Variants in SPOCK3 observed in about 807,000 individuals in gnomAD.
SPOCK3 encodes the protein SPARC (osteonectin), cwcv and kazal like domains proteoglycan 3.
SPOCK3 carries 30 observed loss-of-function variants against 56.6 expected under a neutral mutation model. The observed-to-expected ratio is 0.53, with a 90% CI of 0.40 to 0.72. SPOCK3 has a LOEUF of 0.72. Among genes scored for constraint, SPOCK3 ranks in the 30% least tolerant of loss-of-function variants. The pLI is 0.00. For synonymous variants in SPOCK3, 196 were observed against 183.3 expected, an observed-to-expected ratio of 1.07 and a Z score of -0.56; for missense variants, 527 against 530.0, an observed-to-expected ratio of 0.99 and a Z score of 0.06.
intron 4 of SPOCK3, among the ~76,000 whole-genome samples, chr4:166,952,965 T>C (rs1175584238): frequency 6.6e-6 from 1 of 150,816 alleles, no homozygotes; most frequent in Non-Finnish European, 1.5e-5. Flanking sequence ...ACGTTAGACC[T>C]AAAACCATAA....
intron 4 of SPOCK3, among the ~76,000 whole-genome samples, chr4:166,928,746 G>A (rs1194983232): frequency 2.0e-5 from 3 of 152,104 alleles, no homozygotes; most frequent in Non-Finnish European, 1.5e-5. Context: ...CTAGGCGGGC[G>A]GATCGTGAGG....
chr4:166,741,656 C>T (rs1428264251), intron 9 of SPOCK3, among the ~76,000 whole-genome samples: 1 of 152,138 alleles, frequency 6.6e-6, no homozygotes, highest in Non-Finnish European at 1.5e-5. Context: ...TTAAATAGCA[C>T]ATATACATAT....
chr4:166,927,689 G>A (rs904123796), intron 4 of SPOCK3, among the ~76,000 whole-genome samples: 8 of 152,028 alleles, frequency 5.3e-5, no homozygotes, highest in Non-Finnish European at 8.8e-5. Flanking sequence ...TAGATACAAC[G>A]CAAGAGGTAT....
At chr4:166,871,329 TAA>T (rs1732444879) in intron 6 of SPOCK3, among the ~76,000 whole-genome samples, 1 of 151,622 alleles carries the variant, frequency 6.6e-6, no homozygotes, top group Non-Finnish European at 1.5e-5. Context: ...AACCAAGAAA[TAA>T]AAAGAGGGCA....
intron 6 of SPOCK3, among the ~76,000 whole-genome samples, chr4:166,822,239 T>G (rs957299109): frequency 1.1e-4 from 16 of 152,034 alleles, no homozygotes; most frequent in Non-Finnish European, 2.9e-5. Flanking sequence ...ATGCTCTGCC[T>G]TCTTATCCTT....
intron 2 of SPOCK3, among the ~76,000 whole-genome samples, chr4:167,144,719 C>G (rs1225714539): frequency 1.2e-5 from 1 of 83,256 alleles, no homozygotes; most frequent in African/African-American, 5.1e-5. Flanking sequence ...ATGCAGATAT[C>G]TAGGAAAAAA....
intron 4 of SPOCK3, among the ~76,000 whole-genome samples, chr4:166,941,165 C>T (rs1741014910): frequency 6.6e-6 from 1 of 151,846 alleles, no homozygotes; most frequent in Admixed American, 6.6e-5. Context: ...AGAAGCTAGG[C>T]CAATCAATTT....
At chr4:166,988,591 A>G (rs939833931) in intron 4 of SPOCK3, among the ~76,000 whole-genome samples, 1 of 152,134 alleles carries the variant, frequency 6.6e-6, no homozygotes, top group African/African-American at 2.4e-5. Context: ...TAAATATAGT[A>G]ACAAATAAAC....
intron 4 of SPOCK3, among the ~76,000 whole-genome samples, chr4:166,977,506 T>C (rs1746091179): frequency 6.6e-6 from 1 of 152,150 alleles, no homozygotes. Flanking sequence ...TATCTTTTCC[T>C]TGCCAATTTT....
intron 2 of SPOCK3, among the ~76,000 whole-genome samples, chr4:167,224,105 A>G (rs1404304642): frequency 6.6e-6 from 1 of 152,126 alleles, no homozygotes; most frequent in Non-Finnish European, 1.5e-5. Context: ...TTTTAAAATT[A>G]TTTCCATCAA....
At chr4:167,173,434 C>T (rs776727551) in intron 2 of SPOCK3, among the ~76,000 whole-genome samples, 6 of 152,010 alleles carry the variant, frequency 3.9e-5, no homozygotes, top group East Asian at 1.9e-4. Flanking sequence ...GGTAAATTTA[C>T]GGAAAGAAGT....
intron 5 of SPOCK3, among the ~76,000 whole-genome samples, chr4:166,907,028 A>G (rs946430994): frequency 2.0e-5 from 3 of 152,086 alleles, no homozygotes; most frequent in Non-Finnish European, 4.4e-5. Flanking sequence ...TATGGTCTAC[A>G]TAAATGTTTG....
chr4:167,182,064 T>C (rs1363823718), intron 2 of SPOCK3, among the ~76,000 whole-genome samples: 1 of 152,202 alleles, frequency 6.6e-6, no homozygotes, highest in Non-Finnish European at 1.5e-5. Context: ...CTACTGTCTT[T>C]TAATCTATCC....
At chr4:166,898,560 C>T (rs944406875) in intron 5 of SPOCK3, among the ~76,000 whole-genome samples, 18 of 152,148 alleles carry the variant, frequency 1.2e-4, no homozygotes, top group Non-Finnish European at 1.0e-4. Flanking sequence ...GGTAAGCCAA[C>T]GTGACCTTTC....
At position 166,915,523 on chromosome 4, in the gene SPOCK3, T is replaced by C. The variant is rs189582939; in HGVS notation, c.351-2780A>G. Among the ~76,000 whole-genome samples, 354 of 152,280 alleles carry C rather than the reference T, an allele frequency of 2.3e-3. 2 individuals are homozygous for C. Among genetic ancestry groups the C allele is most frequent in the African/African-American group, 7.9e-3 (327 of 41,554 alleles). ...ATAATATGTAAACATATATAAATTA[T>C]ATATACACGGAAATCATCTGTTGTT... On this transcript the variant is annotated intron_variant, in intron 4 of 10. Coordinates refer to ENST00000357545, the MANE Select transcript of SPOCK3 (RefSeq NM_001040159.2).
intron 2 of SPOCK3, among the ~76,000 whole-genome samples, chr4:167,217,566 T>C (rs1735493058): frequency 6.6e-6 from 1 of 152,030 alleles, no homozygotes; most frequent in South Asian, 2.1e-4. Flanking sequence ...GGTGGGGGTG[T>C]CCTGGAACCA....
intron 4 of SPOCK3, among the ~76,000 whole-genome samples, chr4:166,965,177 A>G (rs542740119): frequency 6.6e-6 from 1 of 152,120 alleles, no homozygotes; most frequent in African/African-American, 2.4e-5. Flanking sequence ...CCAAAAATTC[A>G]TGCAGACTAC....
intron 3 of SPOCK3, among the ~76,000 whole-genome samples, chr4:167,035,483 A>C (rs1326292169): frequency 6.6e-6 from 1 of 152,100 alleles, no homozygotes; most frequent in African/African-American, 2.4e-5. Context: ...TCCCTACAGG[A>C]CCTACCTTTC....
chr4:167,232,109 G>T (rs1279474904), intron 2 of SPOCK3, among the ~76,000 whole-genome samples: 1 of 151,952 alleles, frequency 6.6e-6, no homozygotes, highest in Non-Finnish European at 1.5e-5. Context: ...ATAAATTCTA[G>T]CATATTTAGC....
Sources: allele counts gnomAD v4.1 joint callset (sites outside exome capture counted in the v4.1 genomes callset), GRCh38; gene constraint gnomAD v4.1.1; transcripts MANE v1.5; gene names NCBI Gene and HGNC (gene_info 2026-07-23, HGNC 2026-07-21).